Variants in ATP8B1 observed in about 807,000 individuals in gnomAD.
ATP8B1 encodes phospholipid-transporting ATPase IC.
In ATP8B1, 80 loss-of-function variants were observed where a neutral mutation model predicts 149.9. The ratio of observed to expected loss-of-function variants is 0.53; its 90% CI spans 0.45 to 0.64. ATP8B1 has a LOEUF of 0.64. ATP8B1 is among the 30% of genes least tolerant of loss of function. The pLI is 0.00. For synonymous variants in ATP8B1, 536 were observed against 562.8 expected (o/e 0.95, Z 0.67); for missense variants, 1,247 against 1,552.6 (o/e 0.80, Z 3.31).
chr18:57,757,200 G>A (rs1482202771), intron 1 of ATP8B1, among the ~76,000 whole-genome samples: 1 of 151,962 alleles, frequency 6.6e-6, no homozygotes, highest in Non-Finnish European at 1.5e-5. Flanking sequence ...AATTATTTTG[G>A]TGTCCACATG....
chr18:57,762,442 G>A (rs138447221), intron 1 of ATP8B1, among the ~76,000 whole-genome samples: 1 of 152,146 alleles, frequency 6.6e-6, no homozygotes, highest in Non-Finnish European at 1.5e-5. Flanking sequence ...CCCGGCCCCA[G>A]TAATGACATA....
intron 14 of ATP8B1, among the ~76,000 whole-genome samples, chr18:57,684,477 A>G (rs1912135919): frequency 6.6e-6 from 1 of 152,000 alleles, no homozygotes; most frequent in African/African-American, 2.4e-5. Context: ...CCTGGGCTCA[A>G]GCAATCCTTC....
chr18:57,713,184 TTTCTTTCTTTCTTTCCTTCC>T (rs1159175286), intron 2 of ATP8B1, among the ~76,000 whole-genome samples: 14 of 91,232 alleles, frequency 1.5e-4, no homozygotes, highest in Non-Finnish European at 1.9e-4. Context: ...TCTTTCTTTC[TTTCTTTCTTTCTTTCCTTCC>T]TTCCTTCCTT....
At chr18:57,706,119 TA>T (rs1407651363) in intron 3 of ATP8B1, among the ~76,000 whole-genome samples, 1 of 152,246 alleles carries the variant, frequency 6.6e-6, no homozygotes, top group Non-Finnish European at 1.5e-5. Flanking sequence ...TTAAAATCTC[TA>T]AATCCATTCC....
chr18:57,718,922 G>A (rs752120714), intron 2 of ATP8B1, among the ~76,000 whole-genome samples: 25 of 152,182 alleles, frequency 1.6e-4, no homozygotes, highest in Non-Finnish European at 2.9e-4. Context: ...GTATCAAACT[G>A]AATGGGGAAA....
intron 14 of ATP8B1, 137 bp from the exon 15 acceptor site, chr18:57,684,329 A>C: frequency 6.3e-6 from 6 of 953,174 alleles, no homozygotes; most frequent in African/African-American, 1.6e-5. Flanking sequence ...CTTAAATGTC[A>C]AGAGGCTCAC....
chr18:57,773,233 G>C (rs926762467), intron 1 of ATP8B1, among the ~76,000 whole-genome samples: 8 of 147,508 alleles, frequency 5.4e-5, no homozygotes, highest in Non-Finnish European at 1.2e-4. Context: ...AGAAAGAAAT[G>C]ATAACCCTGA....
chr18:57,740,568 C>CTTT (rs2079902828), intron 1 of ATP8B1: 1 of 98,506 alleles, frequency 1.0e-5, no homozygotes. Context: ...CTTTTTTCTT[C>CTTT]CTTTTTTTTT....
intron 1 of ATP8B1, among the ~76,000 whole-genome samples, chr18:57,765,348 T>A (rs185742397): frequency 3.9e-5 from 6 of 152,318 alleles, no homozygotes; most frequent in African/African-American, 1.4e-4. Flanking sequence ...ACCATGTGAA[T>A]GCCCTTAAAG....
At chr18:57,754,293 CCAGG>C (rs2080056114) in intron 1 of ATP8B1, among the ~76,000 whole-genome samples, 1 of 151,850 alleles carries the variant, frequency 6.6e-6, no homozygotes, top group Non-Finnish European at 1.5e-5. Context: ...CAAAACTTAG[CCAGG>C]CATGGTGGCA....
chr18:57,669,188 A>G (rs1036358894), intron 18 of ATP8B1, 130 bp downstream of exon 18: 1 of 975,542 alleles, frequency 1.0e-6, no homozygotes, highest in African/African-American at 1.7e-5. Context: ...ACCTTCTTCC[A>G]TTGTGCCAGT....
chr18:57,715,597 A>T (rs369226253), intron 2 of ATP8B1, among the ~76,000 whole-genome samples: 3 of 152,340 alleles, frequency 2.0e-5, no homozygotes, highest in South Asian at 4.1e-4. Context: ...AGTCAAGGAT[A>T]AAAGGAAGGA....
At chr18:57,711,754 A>G (rs565294571) in intron 2 of ATP8B1, among the ~76,000 whole-genome samples, 1 of 152,098 alleles carries the variant, frequency 6.6e-6, no homozygotes, top group East Asian at 1.9e-4. Context: ...CATCGTACCT[A>G]ATTTTTAAAT....
chr18:57,713,254 T>C (rs1322434427), intron 2 of ATP8B1, among the ~76,000 whole-genome samples: 6 of 134,968 alleles, frequency 4.4e-5, no homozygotes, highest in Non-Finnish European at 6.3e-5. Flanking sequence ...TTTCTTTCTT[T>C]CTTTCTTTCT....
At chr18:57,699,941 T>C (rs2122929315) in intron 6 of ATP8B1, among the ~76,000 whole-genome samples, 1 of 152,340 alleles carries the variant, frequency 6.6e-6, no homozygotes, top group Middle Eastern at 3.4e-3. Flanking sequence ...AGGGTGCATG[T>C]CTGGCAGGGC....
At chr18:57,799,103 T>A (rs2080547911) in intron 1 of ATP8B1, among the ~76,000 whole-genome samples, 1 of 152,184 alleles carries the variant, frequency 6.6e-6, no homozygotes, top group Admixed American at 6.5e-5. Flanking sequence ...TCACACAGCC[T>A]TGTGAGGCCA....
At chr18:57,664,501 GAAAAAAAAAAA>G (rs532262308) in intron 20 of ATP8B1, among the ~76,000 whole-genome samples, 1 of 99,494 alleles carries the variant, frequency 1.0e-5, no homozygotes, top group African/African-American at 4.3e-5. Context: ...GTCTTTCTAA[GAAAAAAAAAAA>G]AAAAAAAAAG....
intron 15 of ATP8B1, among the ~76,000 whole-genome samples, chr18:57,675,992 C>T (rs1373463416): frequency 6.6e-6 from 1 of 152,150 alleles, no homozygotes; most frequent in Non-Finnish European, 1.5e-5. Context: ...AGGCATGAGC[C>T]ACTGCCCCTG....
chr18:57,760,813 A>T (rs2080142391), intron 1 of ATP8B1, among the ~76,000 whole-genome samples: 1 of 151,818 alleles, frequency 6.6e-6, no homozygotes. Flanking sequence ...CCATGGTGAA[A>T]CCCCGTCTCT....
Sources: gnomAD v4.1 joint callset for allele counts (sites outside exome capture counted in the v4.1 genomes callset) on GRCh38, gnomAD v4.1.1 for gene constraint, MANE v1.5 for transcripts, NCBI Gene and HGNC (gene_info 2026-07-23, HGNC 2026-07-21) for gene names.